The following SSH2 variants were observed in gnomAD, a reference collection of about 807,000 sequenced individuals.
The protein encoded by SSH2 is slingshot protein phosphatase 2.
In SSH2, 37 loss-of-function variants were observed where a neutral mutation model predicts 135.2. That is an observed-to-expected ratio of 0.27 (90% CI 0.21 to 0.36). The LOEUF (loss-of-function observed/expected upper bound fraction) is 0.36. Ranked by LOEUF, SSH2 falls within the 10% of genes least tolerant of loss-of-function variation. The pLI is 1.00. For missense variants in SSH2, 1,408 were observed against 1,765.3 expected, an observed-to-expected ratio of 0.80 and a Z score of 3.63; for synonymous variants, 628 against 646.2, an observed-to-expected ratio of 0.97 and a Z score of 0.43.
chr17:29,645,801 G>A (rs1257863813), intron 14 of SSH2: 1 of 152,160 alleles, frequency 6.6e-6, no homozygotes, highest in Non-Finnish European at 1.5e-5. Flanking sequence ...CTAAGAGAAT[G>A]GTTCAGATAA....
intron 3 of SSH2, among the ~76,000 whole-genome samples, chr17:29,719,009 C>G (rs1164843951): frequency 6.6e-6 from 1 of 152,140 alleles, no homozygotes; most frequent in African/African-American, 2.4e-5. Context: ...CAACATTATA[C>G]TGGTAATATA....
chr17:29,669,079 T>C (rs1316121430), intron 9 of SSH2, among the ~76,000 whole-genome samples: 1 of 151,884 alleles, frequency 6.6e-6, no homozygotes, highest in Non-Finnish European at 1.5e-5. Context: ...TGAAACCCCG[T>C]CTCTACTAAA....
At chr17:29,790,444 A>G (rs1270525802) in intron 3 of SSH2, among the ~76,000 whole-genome samples, 1 of 152,182 alleles carries the variant, frequency 6.6e-6, no homozygotes, top group Admixed American at 6.5e-5. Flanking sequence ...GTGAGAAATA[A>G]ATGTCTGTTG....
At chr17:29,792,800 C>T (rs1352314585) in intron 3 of SSH2, among the ~76,000 whole-genome samples, 1 of 152,188 alleles carries the variant, frequency 6.6e-6, no homozygotes, top group Non-Finnish European at 1.5e-5. Context: ...CCTCAGCCTC[C>T]TGAGTAGCTG....
intron 1 of SSH2, among the ~76,000 whole-genome samples, chr17:29,874,163 C>T (rs376878117): frequency 1.2e-4 from 18 of 151,894 alleles, no homozygotes; most frequent in East Asian, 1.2e-3. Flanking sequence ...TATGGTGGTG[C>T]GTGCCTGCAG....
intron 2 of SSH2, among the ~76,000 whole-genome samples, chr17:29,835,509 G>A (rs2042927911): frequency 6.6e-6 from 1 of 152,068 alleles, no homozygotes; most frequent in Admixed American, 6.6e-5. Flanking sequence ...TCGTAGTCAG[G>A]TTCCTCCATG....
chr17:29,814,130 C>CAA (rs1402714927), intron 2 of SSH2, among the ~76,000 whole-genome samples: 1,329 of 20,220 alleles, frequency 0.066, 166 homozygotes, highest in African/African-American at 0.22. Context: ...GACTTCGTCT[C>CAA]AAAAAAAAAA....
chr17:29,684,816 T>A, intron 5 of SSH2, 132 bp from the exon 6 acceptor site: 3 of 750,396 alleles, frequency 4.0e-6, no homozygotes, highest in Non-Finnish European at 4.0e-6. Flanking sequence ...AGACATAAAT[T>A]AAAATCTCAG....
At chr17:29,929,805 G>C (rs905474180) in intron 1 of SSH2, 133 bp downstream of exon 1, 7 of 774,804 alleles carry the variant, frequency 9.0e-6, no homozygotes, top group African/African-American at 1.7e-5. Flanking sequence ...GGTGTGGGGG[G>C]GTTCGCGGCA....
At chr17:29,789,893 T>C (rs2042034835) in intron 3 of SSH2, among the ~76,000 whole-genome samples, 1 of 152,204 alleles carries the variant, frequency 6.6e-6, no homozygotes, top group Non-Finnish European at 1.5e-5. Context: ...AGATAGGAAA[T>C]CTATCCTATG....
At chr17:29,900,495 A>C (rs2066530394) in intron 1 of SSH2, among the ~76,000 whole-genome samples, 1 of 152,268 alleles carries the variant, frequency 6.6e-6, no homozygotes, top group Admixed American at 6.5e-5. Context: ...TCTCAAAAGA[A>C]GACATTTATG....
At chr17:29,703,451 A>C (rs937205987) in intron 3 of SSH2, among the ~76,000 whole-genome samples, 2 of 152,082 alleles carry the variant, frequency 1.3e-5, no homozygotes, top group African/African-American at 4.8e-5. Context: ...TTCACTATGT[A>C]GGTCAAGATG....
At chr17:29,789,701 G>A (rs1257787369) in intron 3 of SSH2, among the ~76,000 whole-genome samples, 1 of 152,184 alleles carries the variant, frequency 6.6e-6, no homozygotes, top group Admixed American at 6.5e-5. Context: ...CTGAGCTGAA[G>A]GGGCAGGGCC....
chr17:29,848,778 A>T, intron 2 of SSH2, 71 bp downstream of exon 2: 1 of 1,023,380 alleles, frequency 9.8e-7, no homozygotes, highest in Non-Finnish European at 1.4e-6. Context: ...AGTTGCATTT[A>T]ATAGCCAAAT....
At chr17:29,890,212 G>A (rs1372179357) in intron 1 of SSH2, among the ~76,000 whole-genome samples, 1 of 152,168 alleles carries the variant, frequency 6.6e-6, no homozygotes, top group African/African-American at 2.4e-5. Context: ...TACACTGCTG[G>A]TGGGAATGTA....
intron 3 of SSH2, among the ~76,000 whole-genome samples, chr17:29,780,905 C>T (rs940035326): frequency 3.9e-5 from 6 of 151,922 alleles, no homozygotes; most frequent in African/African-American, 1.4e-4. Flanking sequence ...CTCCGCCTCC[C>T]GGTTCACGCC....
At chr17:29,652,685 G>C (rs1053791220) in intron 12 of SSH2, among the ~76,000 whole-genome samples, 2 of 151,814 alleles carry the variant, frequency 1.3e-5, no homozygotes, top group African/African-American at 4.8e-5. Context: ...CAAGATGGAG[G>C]CTTGCTCTGT....
At chr17:29,681,068 C>G (rs1382073484) in intron 6 of SSH2, among the ~76,000 whole-genome samples, 2 of 151,854 alleles carry the variant, frequency 1.3e-5, no homozygotes, top group Admixed American at 1.3e-4. Flanking sequence ...GCTTTTTCAG[C>G]AGGGCGTGGT....
intron 2 of SSH2, among the ~76,000 whole-genome samples, chr17:29,802,303 T>C (rs2042262948): frequency 6.6e-6 from 1 of 152,286 alleles, no homozygotes; most frequent in African/African-American, 2.4e-5. Context: ...GTTAGTATTG[T>C]AGTGGGGGAG....
Sources: gnomAD v4.1 joint callset for allele counts (sites outside exome capture counted in the v4.1 genomes callset) on GRCh38, gnomAD v4.1.1 for gene constraint, MANE v1.5 for transcripts, NCBI Gene and HGNC (gene_info 2026-07-23, HGNC 2026-07-21) for gene names.